ZNF385D: variants seen among roughly 807,000 people sequenced by gnomAD.
ZNF385D encodes the protein zinc finger protein 385D.
Under a neutral mutation model 35.8 loss-of-function variants are expected in ZNF385D, and 15 were observed. That is an observed-to-expected ratio of 0.42 (90% CI 0.28 to 0.64). The LOEUF is 0.64. Among genes scored for constraint, ZNF385D ranks in the 30% least tolerant of loss-of-function variants. The probability of loss-of-function intolerance (pLI) is 0.23; values close to 1 mark genes in which losing one functional copy is unlikely to be tolerated. For missense variants in ZNF385D, 474 were observed against 494.6 expected, an observed-to-expected ratio of 0.96 and a Z score of 0.39; for synonymous variants, 212 against 186.8, an observed-to-expected ratio of 1.13 and a Z score of -1.10.
At chr3:21,849,080 A>T (rs1373908677) in intron 3 of ZNF385D, among the ~76,000 whole-genome samples, 7 of 152,062 alleles carry the variant, frequency 4.6e-5, no homozygotes, top group South Asian at 4.1e-4. Context: ...ACACTCAAAC[A>T]TCATATCTGT....
intron 1 of ZNF385D, among the ~76,000 whole-genome samples, chr3:21,745,744 A>T (rs2069738517): frequency 1.3e-5 from 2 of 152,202 alleles, no homozygotes; most frequent in Admixed American, 1.3e-4. Context: ...AGTGCAATAC[A>T]AATGGAAACA....
rs529237236 is a variant in ZNF385D, at chr3:21,758,473, G to A, written c.326-93445C>T. Reference sequence around the variant, plus strand: ...CAAGTCTCTGAAGGAAACCCAGCTAGGAACCAGAGGGCCAGTCAACCATCA... The same window carrying A: ...CAAGTCTCTGAAGGAAACCCAGCTAAGAACCAGAGGGCCAGTCAACCATCA... On this transcript the variant is annotated intron_variant, in intron 3 of 5. Transcript: ENST00000494108. Among the ~76,000 whole-genome samples the A allele has an allele frequency of 7.2e-5, 11 of 152,260 alleles. No homozygotes were observed. In the South Asian group the frequency reaches 1.9e-3, roughly 26 times the overall value.
intron 4 of ZNF385D, among the ~76,000 whole-genome samples, chr3:21,457,909 A>G (rs1215419412): frequency 6.6e-6 from 1 of 152,174 alleles, no homozygotes; most frequent in Non-Finnish European, 1.5e-5. Flanking sequence ...ACATTTGGAA[A>G]GCTGTGCCAG....
chr3:21,567,960 G>C (rs1421006674), intron 2 of ZNF385D, among the ~76,000 whole-genome samples: 2 of 151,954 alleles, frequency 1.3e-5, no homozygotes, highest in Non-Finnish European at 2.9e-5. Flanking sequence ...TATTTTGTTT[G>C]AATTGAATGA....
chr3:22,044,153 G>C (rs1698843856), intron 3 of ZNF385D, among the ~76,000 whole-genome samples: 1 of 150,790 alleles, frequency 6.6e-6, no homozygotes, highest in African/African-American at 2.4e-5. Flanking sequence ...TGATTGTACA[G>C]AACAGCCTGC....
intron 4 of ZNF385D, among the ~76,000 whole-genome samples, chr3:21,444,542 G>A (rs894724322): frequency 2.0e-5 from 3 of 151,528 alleles, no homozygotes; most frequent in South Asian, 2.1e-4. Context: ...ACACCACCAC[G>A]CCCAGCTAAT....
chr3:21,908,831 A>T (rs549504119), intron 3 of ZNF385D, among the ~76,000 whole-genome samples: 1 of 152,214 alleles, frequency 6.6e-6, no homozygotes, highest in Admixed American at 6.6e-5. Context: ...GCAAATTATA[A>T]GCATGTAAAT....
chr3:22,010,136 G>A (rs1333298601), intron 3 of ZNF385D, among the ~76,000 whole-genome samples: 1 of 152,072 alleles, frequency 6.6e-6, no homozygotes, highest in African/African-American at 2.4e-5. Context: ...ATTCCAAGAT[G>A]AGAAGATTTC....
chr3:22,261,498 A>G (rs1335585508), intron 2 of ZNF385D, among the ~76,000 whole-genome samples: 2 of 151,920 alleles, frequency 1.3e-5, no homozygotes, highest in African/African-American at 4.8e-5. Flanking sequence ...TATTGTAAAA[A>G]TGTAGTGTCA....
intron 3 of ZNF385D, among the ~76,000 whole-genome samples, chr3:22,016,131 G>C (rs773359432): frequency 2.6e-5 from 4 of 152,098 alleles, no homozygotes; most frequent in African/African-American, 7.2e-5. Flanking sequence ...CTATAAAACA[G>C]TTCTTCTAAT....
chr3:21,891,814 G>A (rs575062319), intron 3 of ZNF385D, among the ~76,000 whole-genome samples: 3 of 152,240 alleles, frequency 2.0e-5, no homozygotes, highest in African/African-American at 7.2e-5. Flanking sequence ...GACACAGTAA[G>A]TTTCACTTAC....
At chr3:22,351,275 T>C (rs1182124599) in intron 2 of ZNF385D, among the ~76,000 whole-genome samples, 2 of 152,152 alleles carry the variant, frequency 1.3e-5, no homozygotes, top group African/African-American at 4.8e-5. Flanking sequence ...ACTGAGATTC[T>C]ATCAAAGCCC....
rs78899880 is a variant in ZNF385D, at chr3:22,275,254, C to G, written c.106+97196G>C. On this transcript the variant is annotated intron_variant, in intron 2 of 5. Transcript: ENST00000494108. ...AAACTAAAAATTTGATTGTCTTTTT[C>G]CAGAATGAAAGAAATTAATCAAAGA... Among the ~76,000 whole-genome samples, 674 of 152,120 alleles carry G rather than the reference C, an allele frequency of 4.4e-3. 7 individuals are homozygous for G. Among genetic ancestry groups the G allele is most frequent in the African/African-American group, 0.015 (641 of 41,522 alleles).
At chr3:22,072,019 T>G (rs538043604) in intron 3 of ZNF385D, among the ~76,000 whole-genome samples, 1 of 152,126 alleles carries the variant, frequency 6.6e-6, no homozygotes, top group Non-Finnish European at 1.5e-5. Context: ...TTTCTTGAGA[T>G]GAGCAATAAT....
At chr3:22,088,643 G>C (rs773369725) in intron 3 of ZNF385D, among the ~76,000 whole-genome samples, 8 of 152,154 alleles carry the variant, frequency 5.3e-5, no homozygotes, top group Non-Finnish European at 1.2e-4. Flanking sequence ...CCAGAACCTT[G>C]GATGGAGCTG....
chr3:22,250,853 C>T (rs1427534380), intron 2 of ZNF385D, among the ~76,000 whole-genome samples: 1 of 152,036 alleles, frequency 6.6e-6, no homozygotes, highest in Non-Finnish European at 1.5e-5. Flanking sequence ...CTAAATCCCT[C>T]TTGTCAAAAA....
intron 3 of ZNF385D, among the ~76,000 whole-genome samples, chr3:21,817,763 T>C (rs2073217004): frequency 6.6e-6 from 1 of 152,218 alleles, no homozygotes; most frequent in Admixed American, 6.5e-5. Flanking sequence ...GAAGGCAGTG[T>C]GGTGATTCCT....
intron 2 of ZNF385D, among the ~76,000 whole-genome samples, chr3:21,570,459 C>A (rs997155259): frequency 1.3e-5 from 2 of 152,190 alleles, no homozygotes; most frequent in African/African-American, 4.8e-5. Flanking sequence ...TCTAAGAGAC[C>A]TCTTCTGTCT....
At chr3:21,777,185 A>T (rs2071321340) in intron 3 of ZNF385D, among the ~76,000 whole-genome samples, 1 of 151,942 alleles carries the variant, frequency 6.6e-6, no homozygotes, top group Non-Finnish European at 1.5e-5. Flanking sequence ...TGCAATTGCA[A>T]AGTTCTGTTT....
Sources: gnomAD v4.1 joint callset for allele counts (sites outside exome capture counted in the v4.1 genomes callset) on GRCh38, gnomAD v4.1.1 for gene constraint, MANE v1.5 for transcripts, NCBI Gene and HGNC (gene_info 2026-07-23, HGNC 2026-07-21) for gene names.